The following ISOC2 variants were observed in gnomAD, a reference collection of about 807,000 sequenced individuals.
The protein encoded by ISOC2 is isochorismatase domain containing 2.
ISOC2 carries 15 observed loss-of-function variants against 19.3 expected under a neutral mutation model. The observed-to-expected ratio is 0.78, with a 90% CI of 0.52 to 1.20. ISOC2 has a LOEUF of 1.20. Among genes scored for constraint, ISOC2 ranks in the 50% most tolerant of loss-of-function variants. The probability of loss-of-function intolerance (pLI) is 0.00; values close to 1 mark genes in which losing one functional copy is unlikely to be tolerated. For missense variants in ISOC2, 285 were observed against 272.4 expected (o/e 1.05, Z -0.33); for synonymous variants, 106 against 115.8 (o/e 0.92, Z 0.54).
intron 2 of ISOC2, chr19:55,456,054 T>C (rs1272448159): frequency 1.7e-6 from 1 of 593,326 alleles, no homozygotes; most frequent in African/African-American, 2.0e-5. Flanking sequence ...GACTCCTGCG[T>C]CTGAGGGAAG....
chr19:55,458,218 C>A (rs1459996913), intron 1 of ISOC2, among the ~76,000 whole-genome samples: 2 of 152,182 alleles, frequency 1.3e-5, no homozygotes, highest in Non-Finnish European at 2.9e-5. Flanking sequence ...CACCTGACTT[C>A]CACTCGGTCA....
At chr19:55,455,196 G>A (rs1004414593) in intron 4 of ISOC2, 64 bp downstream of exon 4, 1 of 1,566,582 alleles carries the variant, frequency 6.4e-7, no homozygotes, top group Non-Finnish European at 8.7e-7. Flanking sequence ...AATGCCGCCT[G>A]TGGCCCTTCC....
intron 1 of ISOC2, among the ~76,000 whole-genome samples, chr19:55,457,522 A>G (rs1181741944): frequency 6.6e-6 from 1 of 151,212 alleles, no homozygotes; most frequent in African/African-American, 2.4e-5. Flanking sequence ...GTGACTGAGC[A>G]AGACTCTGTC....
rs752019602 is a variant in ISOC2 at position 55,456,459 on chromosome 19, G to A, written c.28C>T (p.Arg10Ter). 1.7e-5 allele frequency: 27 copies of A among 1,613,360 alleles called. No homozygotes were observed. The highest frequency in any genetic ancestry group is 1.1e-4 in the East Asian group (5 of 44,842). MAAARPSLG[R>*]VLPGSSVLFL... ...AGGACAGAGGATCCTGGGAGGACTC[G>A]GCCCAGGCTGGGCCTGGCAGCCGCC... The change falls in exon 2 of 6, where the codon CGA (arginine) becomes TGA (stop). Residue 10 changes from arginine to a stop codon, truncating the protein, a stop_gained. Coordinates refer to ENST00000425675, the MANE Select transcript of ISOC2 (RefSeq NM_001136201.2). LOFTEE classifies it high-confidence loss of function.
chr19:55,456,043 G>A, intron 2 of ISOC2, 198 bp from the exon 3 acceptor site: 1 of 600,414 alleles, frequency 1.7e-6, no homozygotes, highest in Non-Finnish European at 2.9e-6. Context: ...AGCTGGGCCT[G>A]GACTCCTGCG....
intron 5 of ISOC2, 119 bp from the exon 6 acceptor site, chr19:55,453,507 A>T (rs1414697692): frequency 2.4e-5 from 15 of 624,234 alleles, no homozygotes; most frequent in Non-Finnish European, 3.7e-5. Flanking sequence ...GCAGCTGCCC[A>T]AGACAACACT....
intron 1 of ISOC2, among the ~76,000 whole-genome samples, chr19:55,458,694 A>C (rs1407113650): frequency 6.6e-6 from 1 of 151,548 alleles, no homozygotes; most frequent in Admixed American, 6.6e-5. Flanking sequence ...TGCCTGGCTA[A>C]TTTTTGTATT....
At position 55,454,886 on chromosome 19, in the gene ISOC2, C is replaced by T. The variant is rs1360590270; in HGVS notation, c.537+103G>A. 18 of 861,594 alleles carry T rather than the reference C, an allele frequency of 2.1e-5. 1 individual carries two copies. The highest frequency in any genetic ancestry group is 2.1e-5 in the Non-Finnish European group (11 of 513,914). 53.4% of individuals were successfully genotyped at this position (861,594 alleles called of 1,614,324 possible). A position where few individuals can be genotyped will look rare whatever the true frequency, so the allele number is the denominator to read the frequency against. On this transcript the variant is annotated intron_variant, in intron 5 of 5. Transcript: ENST00000425675. ...GCCTCCCCTCCAAGAACCTGGCTCC[C>T]CCTGGAGGCGGCAGCCTGCTGGTGC...
chr19:55,457,604 G>A (rs1026028741), intron 1 of ISOC2, among the ~76,000 whole-genome samples: 3 of 152,066 alleles, frequency 2.0e-5, no homozygotes, highest in East Asian at 1.9e-4. Flanking sequence ...CGAGGCGGGC[G>A]GATCATCTGA....
rs1363655715 is a variant in ISOC2 at position 55,455,284 on chromosome 19, A to G, written c.395T>C (p.Val132Ala). 3 of 1,613,204 alleles carry G rather than the reference A, an allele frequency of 1.9e-6. No individual in the cohort carries two copies. The highest frequency in any genetic ancestry group is 1.7e-5 in the Admixed American group (1 of 59,916). ...LLDRGLQVHV[V>A]VDACSSRSQV... ...CCTGCGTGAGGAGCAGGCGTCCACC[A>G]CCACATGGACCTGCAGCCCCCGGTC... is the stretch of plus-strand genomic sequence containing the variant. The change falls in exon 4 of 6, where the codon GTG becomes GCG. Residue 132 changes from valine to alanine, a missense_variant. Coordinates refer to ENST00000425675, the MANE Select transcript of ISOC2 (RefSeq NM_001136201.2).
intron 1 of ISOC2, among the ~76,000 whole-genome samples, chr19:55,458,378 C>T (rs780226295): frequency 7.9e-5 from 12 of 152,168 alleles, no homozygotes; most frequent in Non-Finnish European, 1.5e-4. Flanking sequence ...GCTCTCTCCC[C>T]GTCTGTGTGT....
chr19:55,455,382 G>A, intron 3 of ISOC2, 52 bp from the exon 4 acceptor site: 1 of 1,607,596 alleles, frequency 6.2e-7, no homozygotes, highest in Non-Finnish European at 8.5e-7. Flanking sequence ...GGGGGTCCTG[G>A]GTAAGGAATT....
chr19:55,456,473 C>G lies in ISOC2; in HGVS notation c.14G>C (p.Arg5Thr). 1 of 1,613,098 alleles carries G rather than the reference C, an allele frequency of 6.2e-7. No individual in the cohort carries two copies. Among genetic ancestry groups the G allele is most frequent in the Non-Finnish European group, 8.5e-7 (1 of 1,179,634 alleles). The change falls in exon 2 of 6, where the codon AGG (arginine) becomes ACG (threonine). Residue 5 changes from arginine to threonine, a missense_variant. Physicochemically the swap from Arg to Thr is moderately conservative, Grantham distance 71 (BLOSUM62 -1). Coordinates refer to ENST00000425675, the MANE Select transcript of ISOC2 (RefSeq NM_001136201.2). ...TGGGAGGACTCGGCCCAGGCTGGGCCTGGCAGCCGCCATTTTCTGGGGGTG... is the reference window on the plus strand; with the variant it reads ...TGGGAGGACTCGGCCCAGGCTGGGCGTGGCAGCCGCCATTTTCTGGGGGTG... The part of the protein sequence containing the change: MAAA[R>T]PSLGRVLPGS...
chr19:55,457,981 A>C (rs937925307), intron 1 of ISOC2, among the ~76,000 whole-genome samples: 2 of 151,862 alleles, frequency 1.3e-5, no homozygotes, highest in Non-Finnish European at 2.9e-5. Context: ...GCAGAACAGC[A>C]TGACTATGAA....
At position 55,453,097 on chromosome 19, in the gene ISOC2, T is replaced by C. The variant is rs3170264; in HGVS notation, c.*211A>G. On this transcript the variant is annotated 3_prime_UTR_variant, in exon 6 of 6. Transcript: ENST00000425675. ...CCGGGGCCGAGCCCCGCCTCCATCTTGGCTCAGCCAATTCCCACCCAGTTT... is the reference window on the plus strand; with the variant it reads ...CCGGGGCCGAGCCCCGCCTCCATCTCGGCTCAGCCAATTCCCACCCAGTTT... 0.075 allele frequency: 38,274 copies of C among 509,004 alleles called. 2,027 individuals carry two copies. The highest frequency in any genetic ancestry group is 0.19 in the African/African-American group (9,491 of 50,434). 31.5% of individuals were successfully genotyped at this position (509,004 alleles called of 1,614,324 possible). A position where few individuals can be genotyped will look rare whatever the true frequency, so the allele number is the denominator to read the frequency against.
chr19:55,456,331 G>T lies in ISOC2; in HGVS notation c.138+18C>A, dbSNP rs1478580101. ...GAGCCTGGATCCTGGGTCTGAGGGT[G>T]GGGGGCTGAGGTCATACCTTGAGCA... is the stretch of plus-strand genomic sequence containing the variant. On this transcript the variant is annotated intron_variant, in intron 2 of 5. Coordinates refer to ENST00000425675, the MANE Select transcript of ISOC2 (RefSeq NM_001136201.2). 4.3e-6 allele frequency: 7 copies of T among 1,610,970 alleles called. No homozygotes were observed. The highest frequency in any genetic ancestry group is 1.3e-5 in the African/African-American group (1 of 74,792).
At position 55,455,838 on chromosome 19, in the gene ISOC2, C is replaced by A; in HGVS notation, c.146G>T (p.Arg49Leu). The A allele has an allele frequency of 6.6e-7, 1 of 1,524,658 alleles. No individual in the cohort carries two copies. The highest frequency in any genetic ancestry group is 8.8e-7 in the Non-Finnish European group (1 of 1,132,058). The allele number at this position is 1,524,658 out of a possible 1,614,324, so 94.4% of individuals were successfully genotyped here. A position where few individuals can be genotyped will look rare whatever the true frequency, so the allele number is the denominator to read the frequency against. ...CAGCATGACTGGCACCTCAAGCAGC[C>A]GGGCCACCTGTGCCAGTGATGGGGA... ...SVAARMLKVA[R>L]LLEVPVMLTE... is the part of the protein sequence containing the mutation. The change falls in exon 3 of 6, where the codon CGG becomes CTG. Residue 49 changes from arginine (R) to leucine (L), a missense_variant. Physicochemically the swap from Arg to Leu is moderately radical, Grantham distance 102 (BLOSUM62 -2). Transcript: ENST00000425675.
At chr19:55,454,049 CA>C (rs1309230469) in intron 5 of ISOC2, 1 of 152,552 alleles carries the variant, frequency 6.6e-6, no homozygotes, top group Non-Finnish European at 1.5e-5. Context: ...TCCCCTGCAT[CA>C]AACCCTGATG....
At chr19:55,458,171 C>T (rs1169139843) in intron 1 of ISOC2, among the ~76,000 whole-genome samples, 4 of 152,188 alleles carry the variant, frequency 2.6e-5, no homozygotes, top group East Asian at 1.9e-4. Context: ...CCAGAGGGCC[C>T]GTTAACCTGC....
Sources: gnomAD v4.1 joint callset for allele counts (sites outside exome capture counted in the v4.1 genomes callset) on GRCh38, gnomAD v4.1.1 for gene constraint, MANE v1.5 for transcripts, NCBI Gene and HGNC (gene_info 2026-07-23, HGNC 2026-07-21) for gene names.